The following RAPGEF4 variants were observed in gnomAD, a reference collection of about 807,000 sequenced individuals.
RAPGEF4 encodes Rap guanine nucleotide exchange factor 4.
In RAPGEF4, 66 loss-of-function variants were observed where a neutral mutation model predicts 147.9. The observed-to-expected ratio is 0.45, with a 90% CI of 0.37 to 0.55. The LOEUF (loss-of-function observed/expected upper bound fraction) is 0.55, where lower values mean the gene tolerates loss of function less well. RAPGEF4 is among the 20% of genes least tolerant of loss of function. The pLI is 0.00. For synonymous variants in RAPGEF4, 419 were observed against 442.7 expected, an observed-to-expected ratio of 0.95 and a Z score of 0.67; for missense variants, 1,071 against 1,257.3, an observed-to-expected ratio of 0.85 and a Z score of 2.24.
intron 4 of RAPGEF4, among the ~76,000 whole-genome samples, chr2:172,859,383 T>C (rs954348272): frequency 3.6e-4 from 55 of 152,380 alleles, no homozygotes; most frequent in African/African-American, 1.2e-3. Context: ...ATATTTCCTC[T>C]TCCCAAACAT....
At chr2:172,895,800 AAC>A (rs1698414876) in intron 4 of RAPGEF4, among the ~76,000 whole-genome samples, 1 of 152,194 alleles carries the variant, frequency 6.6e-6, no homozygotes, top group Admixed American at 6.5e-5. Context: ...CAGACAGACA[AAC>A]AAACCAGAAT....
At chr2:172,818,059 A>C (rs539985259) in intron 4 of RAPGEF4, among the ~76,000 whole-genome samples, 3 of 151,668 alleles carry the variant, frequency 2.0e-5, no homozygotes, top group Admixed American at 2.0e-4. Flanking sequence ...ATTGGAGACC[A>C]TTATCCTAAG....
chr2:172,932,069 T>G (rs1342250255), intron 6 of RAPGEF4, among the ~76,000 whole-genome samples: 1 of 150,450 alleles, frequency 6.6e-6, no homozygotes, highest in African/African-American at 2.4e-5. Flanking sequence ...GTTTGGCATA[T>G]TCAGAAAAAC....
In RAPGEF4 at chr2:172,985,511, C is replaced by G. The variant is rs368870349; in HGVS notation, c.1150+18C>G. On this transcript the variant is annotated intron_variant, in intron 12 of 30. Transcript: ENST00000397081. ...GACTGTGTGTAAGTGAAAAGCTGTA[C>G]TGGAACCTTGCGCCTGGCCAGCACC... The G allele has an allele frequency of 2.5e-6, 4 of 1,610,016 alleles. No individual in the cohort carries two copies. The highest frequency in any genetic ancestry group is 2.7e-5 in the African/African-American group (2 of 74,596).
chr2:172,750,584 C>T (rs1695191440), intron 1 of RAPGEF4, among the ~76,000 whole-genome samples: 1 of 152,172 alleles, frequency 6.6e-6, no homozygotes, highest in Non-Finnish European at 1.5e-5. Context: ...CACAGCCAAA[C>T]CATATCACAT....
intron 25 of RAPGEF4, among the ~76,000 whole-genome samples, chr2:173,028,604 G>T (rs12612593): frequency 0.046 from 6,959 of 152,006 alleles, 205 homozygotes; most frequent in Admixed American, 0.08. Context: ...CTTCTGTTTA[G>T]GTGAATGAGT....
chr2:172,964,920 T>C (rs75370618), intron 8 of RAPGEF4, among the ~76,000 whole-genome samples: 76 of 152,290 alleles, frequency 5.0e-4, no homozygotes, highest in South Asian at 1.2e-3. Flanking sequence ...AATGTGTGAA[T>C]ATACAGGAAG....
chr2:173,024,214 T>A (rs1198662819), intron 23 of RAPGEF4, among the ~76,000 whole-genome samples: 1 of 47,214 alleles, frequency 2.1e-5, no homozygotes, highest in Non-Finnish European at 5.7e-5. Context: ...TTCTTTTTTT[T>A]ATTATTTTTT....
intron 4 of RAPGEF4, among the ~76,000 whole-genome samples, chr2:172,885,232 A>C (rs1697059166): frequency 6.6e-6 from 1 of 152,218 alleles, no homozygotes; most frequent in Non-Finnish European, 1.5e-5. Context: ...GTGGGTCCCC[A>C]GCAGGACAGA....
chr2:172,940,284 T>G (rs1687016573), intron 6 of RAPGEF4, among the ~76,000 whole-genome samples: 1 of 152,050 alleles, frequency 6.6e-6, no homozygotes, highest in Admixed American at 6.6e-5. Context: ...TTTTCTTCTG[T>G]GTTGTGTTGA....
At position 172,981,741 on chromosome 2, in the gene RAPGEF4, A is replaced by C. The variant is rs566165554; in HGVS notation, c.1005-1755A>C. Among the ~76,000 whole-genome samples the C allele has an allele frequency of 2.6e-5, 4 of 152,358 alleles. No homozygotes were observed. The South Asian group carries it at 8.3e-4, about 32-fold the overall frequency. On this transcript the variant is annotated intron_variant, in intron 10 of 30. Coordinates refer to ENST00000397081, the MANE Select transcript of RAPGEF4 (RefSeq NM_007023.4). ...TATGCAGAGTTTTCTTCCTCCAATT[A>C]GACTCCACTAAATCTGTCATCTTCC...
intron 4 of RAPGEF4, among the ~76,000 whole-genome samples, chr2:172,838,311 A>T (rs1691190430): frequency 6.6e-6 from 1 of 152,162 alleles, no homozygotes; most frequent in African/African-American, 2.4e-5. Context: ...TCATAGAAAG[A>T]TCAGAGTCAT....
chr2:172,970,103 A>G (rs1201673828), intron 10 of RAPGEF4, among the ~76,000 whole-genome samples: 1 of 151,724 alleles, frequency 6.6e-6, no homozygotes, highest in East Asian at 1.9e-4. Flanking sequence ...AGCTCCCGAG[A>G]GATGGGAAAG....
chr2:172,783,521 G>C (rs1381996596), intron 1 of RAPGEF4, among the ~76,000 whole-genome samples: 2 of 152,166 alleles, frequency 1.3e-5, no homozygotes, highest in Non-Finnish European at 2.9e-5. Context: ...TGCCCTGTCT[G>C]ACTGATGATC....
chr2:172,965,938 C>T (rs1689791163), intron 9 of RAPGEF4, among the ~76,000 whole-genome samples: 1 of 152,152 alleles, frequency 6.6e-6, no homozygotes, highest in African/African-American at 2.4e-5. Flanking sequence ...GCATCAGTTC[C>T]AATTATGTTT....
At chr2:172,866,611 A>T (rs1694676826) in intron 4 of RAPGEF4, among the ~76,000 whole-genome samples, 1 of 152,078 alleles carries the variant, frequency 6.6e-6, no homozygotes, top group Admixed American at 6.6e-5. Flanking sequence ...TCACTTTGGG[A>T]GGCAGGATAC....
At chr2:172,890,285 G>C in intron 4 of RAPGEF4, among the ~76,000 whole-genome samples, 1 of 152,184 alleles carries the variant, frequency 6.6e-6, no homozygotes, top group East Asian at 1.9e-4. Context: ...GATGACTGGC[G>C]ACAGCCATTT....
intron 13 of RAPGEF4, 58 bp downstream of exon 13, chr2:172,988,330 T>A (rs1692482176): frequency 6.4e-7 from 1 of 1,559,232 alleles, no homozygotes; most frequent in Non-Finnish European, 8.6e-7. Flanking sequence ...AGTGTGGCTC[T>A]AAGTATTAGC....
chr2:172,802,847 T>C (rs1687112722), intron 3 of RAPGEF4, among the ~76,000 whole-genome samples: 2 of 152,226 alleles, frequency 1.3e-5, no homozygotes, highest in Admixed American at 1.3e-4. Context: ...ATGGGAGAAA[T>C]TGGCCAAAAC....
Sources: allele counts gnomAD v4.1 joint callset (sites outside exome capture counted in the v4.1 genomes callset), GRCh38; gene constraint gnomAD v4.1.1; transcripts MANE v1.5; gene names NCBI Gene and HGNC (gene_info 2026-07-23, HGNC 2026-07-21).